The following SAMMSON variants were observed in gnomAD, a reference collection of about 807,000 sequenced individuals.
The protein encoded by SAMMSON is survival associated mitochondrial melanoma specific oncogenic non-coding RNA.
chr3:70,352,323 A>C (rs780300181), intron 7 of SAMMSON, among the ~76,000 whole-genome samples: 2 of 152,116 alleles, frequency 1.3e-5, no homozygotes, highest in Non-Finnish European at 2.9e-5. Flanking sequence ...CAGATTTCTC[A>C]TCAGAGAGAC....
chr3:70,383,897 T>G (rs2106753384), intron 9 of SAMMSON, among the ~76,000 whole-genome samples: 1 of 152,208 alleles, frequency 6.6e-6, no homozygotes, highest in East Asian at 1.9e-4. Flanking sequence ...CTGTGAATTT[T>G]TCACCTCTAA....
At chr3:70,320,295 C>T (rs1349216408) in intron 7 of SAMMSON, among the ~76,000 whole-genome samples, 2 of 152,000 alleles carry the variant, frequency 1.3e-5, no homozygotes, top group Non-Finnish European at 2.9e-5. Context: ...GTGAAGACCA[C>T]CAGCAATGAC....
At chr3:70,380,709 A>T (rs1373506025) in intron 9 of SAMMSON, among the ~76,000 whole-genome samples, 1 of 151,682 alleles carries the variant, frequency 6.6e-6, no homozygotes, top group Non-Finnish European at 1.5e-5. Context: ...CTACCCCACA[A>T]CAGGCCCCAG....
chr3:70,387,954 C>T (rs1251353799), intron 9 of SAMMSON, among the ~76,000 whole-genome samples: 1 of 140,598 alleles, frequency 7.1e-6, no homozygotes, highest in Non-Finnish European at 1.5e-5. Flanking sequence ...TTAACCATTG[C>T]TACTTTTGAG....
intron 4 of SAMMSON, among the ~76,000 whole-genome samples, chr3:70,211,318 C>T (rs1389047219): frequency 2.8e-5 from 3 of 106,376 alleles, no homozygotes; most frequent in Non-Finnish European, 5.7e-5. Flanking sequence ...TTTCCCTTCC[C>T]TTTCCTTCCT....
At chr3:70,328,650 A>G (rs1196479496) in intron 7 of SAMMSON, among the ~76,000 whole-genome samples, 1 of 152,230 alleles carries the variant, frequency 6.6e-6, no homozygotes, top group Non-Finnish European at 1.5e-5. Context: ...TGACTGAAAA[A>G]TAAGGAATTG....
chr3:70,290,587 C>T (rs561515777), intron 6 of SAMMSON, among the ~76,000 whole-genome samples: 2 of 152,346 alleles, frequency 1.3e-5, no homozygotes, highest in South Asian at 4.1e-4. Context: ...GTGGGCTCCA[C>T]CCAGTTCGAG....
rs147920905 is a variant in SAMMSON at position 70,347,120 on chromosome 3, G to A, written n.740-7055G>A. On this transcript the variant is annotated intron_variant and non_coding_transcript_variant, in intron 7 of 9. Coordinates refer to ENST00000642114, the Ensembl canonical transcript of SAMMSON. ...CCACAAACACTGACCTGCAATGTACGGAAATCAATTTAATAGCAAACCAGA... is the reference window on the plus strand; with the variant it reads ...CCACAAACACTGACCTGCAATGTACAGAAATCAATTTAATAGCAAACCAGA... 1.5e-3 allele frequency among the ~76,000 whole-genome samples: 230 copies of A among 152,274 alleles called. 2 individuals are homozygous for A. The highest frequency in any genetic ancestry group is 5.2e-3 in the African/African-American group (218 of 41,570).
chr3:70,409,731 T>C (rs1701203610), intron 2 of SAMMSON, among the ~76,000 whole-genome samples: 1 of 152,222 alleles, frequency 6.6e-6, no homozygotes, highest in African/African-American at 2.4e-5. Context: ...CCTGCTTTTA[T>C]TATCCTTGTT....
At chr3:70,259,211 C>A (rs1020834848) in intron 6 of SAMMSON, among the ~76,000 whole-genome samples, 1 of 152,096 alleles carries the variant, frequency 6.6e-6, no homozygotes, top group Non-Finnish European at 1.5e-5. Context: ...AGAACACATT[C>A]TATTCATAGT....
chr3:70,066,262 C>A (rs1295727246), intron 3 of SAMMSON, among the ~76,000 whole-genome samples: 1 of 151,970 alleles, frequency 6.6e-6, no homozygotes. Flanking sequence ...TTTTACAGTG[C>A]CCAGTTTGAC....
intron 2 of SAMMSON, among the ~76,000 whole-genome samples, chr3:70,413,512 TGTAC>T: frequency 6.6e-6 from 1 of 152,040 alleles, no homozygotes; most frequent in Non-Finnish European, 1.5e-5. Context: ...AAGCAGAAAA[TGTAC>T]GCAGAGTAAT....
intron 1 of SAMMSON, among the ~76,000 whole-genome samples, chr3:70,003,416 G>C (rs1165082114): frequency 6.6e-6 from 1 of 151,462 alleles, no homozygotes; most frequent in African/African-American, 2.4e-5. Context: ...TTATGTTTTT[G>C]GATAAATTTT....
rs191952658 is a variant in SAMMSON, at chr3:70,389,011, G to C, written n.914-563G>C. Among the ~76,000 whole-genome samples the C allele has an allele frequency of 3.9e-5, 6 of 152,172 alleles. No homozygotes were observed. The East Asian group carries it at 1.2e-3, about 29-fold the overall frequency. ...CAAGGGAGTGAATTAGTTCCTGAGA[G>C]AGCAGGTTGTTAAAAAGAATCTGGC... On this transcript the variant is annotated intron_variant and non_coding_transcript_variant, in intron 9 of 9. Transcript: ENST00000642114.
intron 3 of SAMMSON, among the ~76,000 whole-genome samples, chr3:70,016,453 T>C (rs1008504731): frequency 6.6e-6 from 1 of 152,144 alleles, no homozygotes; most frequent in African/African-American, 2.4e-5. Flanking sequence ...TTCGTGTAAC[T>C]TTGTTTGAGT....
At chr3:70,252,758 A>G (rs926558795) in intron 6 of SAMMSON, among the ~76,000 whole-genome samples, 1 of 152,160 alleles carries the variant, frequency 6.6e-6, no homozygotes, top group Non-Finnish European at 1.5e-5. Flanking sequence ...ACATCAGTGA[A>G]CAAAACAAAC....
At chr3:70,206,750 G>C (rs1701294994) in intron 4 of SAMMSON, 2 of 397,646 alleles carry the variant, frequency 5.0e-6, no homozygotes, top group Non-Finnish European at 8.9e-6. Context: ...TAGCATTAAT[G>C]GGTTTCTCAT....
intron 4 of SAMMSON, among the ~76,000 whole-genome samples, chr3:70,218,706 T>C (rs562640390): frequency 8.5e-5 from 13 of 152,236 alleles, no homozygotes; most frequent in African/African-American, 3.1e-4. Context: ...CATATTTATG[T>C]CACTTAAAGC....
intron 4 of SAMMSON, among the ~76,000 whole-genome samples, chr3:70,143,966 T>C (rs948214376): frequency 6.6e-6 from 1 of 152,166 alleles, no homozygotes; most frequent in Non-Finnish European, 1.5e-5. Flanking sequence ...GACCATCATT[T>C]TGACTTTTGG....
Sources: gnomAD v4.1 joint callset for allele counts (sites outside exome capture counted in the v4.1 genomes callset) on GRCh38, gnomAD v4.1.1 for gene constraint, MANE v1.5 for transcripts, NCBI Gene and HGNC (gene_info 2026-07-23, HGNC 2026-07-21) for gene names.